Variants in CRISP3 observed in about 807,000 individuals in gnomAD.
CRISP3 encodes the protein cysteine-rich secretory protein 3.
In CRISP3, 33 loss-of-function variants were observed where a neutral mutation model predicts 36.1. That is an observed-to-expected ratio of 0.91 (90% CI 0.69 to 1.22). The LOEUF is 1.22. Ranked by LOEUF, CRISP3 falls within the 50% of genes most tolerant of loss-of-function variation. The pLI is 0.00. For missense variants in CRISP3, 330 were observed against 301.2 expected (o/e 1.10, Z -0.71); for synonymous variants, 117 against 104.6 (o/e 1.12, Z -0.72).
intron 7 of CRISP3, among the ~76,000 whole-genome samples, chr6:49,729,585 G>A (rs754733355): frequency 1.3e-4 from 19 of 151,912 alleles, no homozygotes; most frequent in Non-Finnish European, 2.5e-4. Context: ...TGTTCACTTC[G>A]TTCACCCAGT....
At chr6:49,730,618 A>G (rs951455991) in intron 7 of CRISP3, among the ~76,000 whole-genome samples, 3 of 152,218 alleles carry the variant, frequency 2.0e-5, no homozygotes, top group Admixed American at 2.0e-4. Context: ...ATTTCCACAG[A>G]CACATTTTCA....
chr6:49,733,129 T>C (rs972531305), intron 6 of CRISP3, 66 bp downstream of exon 6: 13 of 920,370 alleles, frequency 1.4e-5, no homozygotes, highest in Non-Finnish European at 2.0e-5. Context: ...GCTTTTTAGT[T>C]TTTTTTTATT....
At chr6:49,731,531 C>T (rs1209759796) in intron 6 of CRISP3, among the ~76,000 whole-genome samples, 2 of 152,144 alleles carry the variant, frequency 1.3e-5, no homozygotes, top group African/African-American at 4.8e-5. Context: ...AATGTGGCAA[C>T]ACACTTCATC....
intron 3 of CRISP3, 78 bp from the exon 4 acceptor site, chr6:49,735,669 A>G: frequency 1.9e-6 from 2 of 1,030,854 alleles, no homozygotes; most frequent in Non-Finnish European, 2.9e-6. Flanking sequence ...ATCAGGTTAT[A>G]GGTTGATTTA....
chr6:49,744,388 CAG>C, upstream of CRISP3: 2 of 1,530,594 alleles, frequency 1.3e-6, no homozygotes, highest in Non-Finnish European at 1.7e-6. Flanking sequence ...AAGGAAGGTG[CAG>C]AGAGAGAAGG....
intron 6 of CRISP3, among the ~76,000 whole-genome samples, chr6:49,731,794 T>A (rs1768922954): frequency 6.6e-6 from 1 of 152,146 alleles, no homozygotes; most frequent in Non-Finnish European, 1.5e-5. Context: ...TTCACATGGT[T>A]TTTGCTGTAT....
chr6:49,733,624 T>A, intron 5 of CRISP3, 79 bp downstream of exon 5: 1 of 1,435,520 alleles, frequency 7.0e-7, no homozygotes, highest in East Asian at 2.3e-5. Flanking sequence ...AAATTCAACT[T>A]GGAATCAGTC....
chr6:49,736,830 T>A (rs550794297), intron 2 of CRISP3, among the ~76,000 whole-genome samples: 1 of 152,148 alleles, frequency 6.6e-6, no homozygotes, highest in East Asian at 1.9e-4. Context: ...GGGTACATGA[T>A]AGTAATTATT....
chr6:49,732,894 T>C (rs1210112067), intron 6 of CRISP3, among the ~76,000 whole-genome samples: 1 of 152,148 alleles, frequency 6.6e-6, no homozygotes, highest in Admixed American at 6.6e-5. Context: ...TAAAATTATA[T>C]TTAGATAACT....
At chr6:49,730,964 C>A (rs1443598324) in intron 7 of CRISP3, among the ~76,000 whole-genome samples, 199 bp downstream of exon 7, 2 of 152,188 alleles carry the variant, frequency 1.3e-5, no homozygotes, top group East Asian at 3.9e-4. Context: ...ATCACTTGAT[C>A]CCTGCAAGCG....
chr6:49,728,354 T>C lies in CRISP3; in HGVS notation c.*376A>G. 6.4e-6 allele frequency: 1 copy of C among 155,570 alleles called. No homozygotes were observed. Among genetic ancestry groups the C allele is most frequent in the Non-Finnish European group, 1.4e-5 (1 of 70,362 alleles). 9.6% of individuals were successfully genotyped at this position (155,570 alleles called of 1,614,324 possible). ...CTACAGCCAAGGGTTCATGTGAAAATTATATTGTTCTTTTTGTACATTTTG... is the reference window on the plus strand; with the variant it reads ...CTACAGCCAAGGGTTCATGTGAAAACTATATTGTTCTTTTTGTACATTTTG... On this transcript the variant is annotated 3_prime_UTR_variant, in exon 8 of 8. Coordinates refer to ENST00000263045, the MANE Select transcript of CRISP3 (RefSeq NM_006061.4).
chr6:49,741,114 AAC>A (rs1769187996), intron 1 of CRISP3, among the ~76,000 whole-genome samples: 1 of 127,406 alleles, frequency 7.8e-6, no homozygotes, highest in African/African-American at 2.8e-5. Context: ...AAAAACAAAA[AAC>A]AAACAAACAA....
chr6:49,743,513 T>C (rs893059893), intron 1 of CRISP3, among the ~76,000 whole-genome samples: 1 of 152,202 alleles, frequency 6.6e-6, no homozygotes, highest in Non-Finnish European at 1.5e-5. Context: ...CAGAGTTTCC[T>C]GGATAGCATT....
At chr6:49,736,257 C>T (rs1769048190) in intron 3 of CRISP3, 134 bp downstream of exon 3, 6 of 664,216 alleles carry the variant, frequency 9.0e-6, no homozygotes, top group Non-Finnish European at 1.1e-5. Flanking sequence ...CTGCCCATTA[C>T]ACAGCTCAAA....
rs1483356456 is a variant in CRISP3 at position 49,744,346 on chromosome 6, C to A, written c.22G>T (p.Ala8Ser). 1 of 1,532,832 alleles carries A rather than the reference C, an allele frequency of 6.5e-7. No individual in the cohort carries two copies. The highest frequency in any genetic ancestry group is 8.7e-7 in the Non-Finnish European group (1 of 1,144,846). 95.0% of individuals were successfully genotyped at this position (1,532,832 alleles called of 1,614,324 possible). ...TATCACTTACCAGTGGTTTCCAGAG[C>A]AGGATGAAGTATTTGTTTCATCTAT... is the stretch of plus-strand genomic sequence containing the variant. MKQILHP[A>S]LETTAMTLFP... Residue 8 changes from alanine (A) to serine (S), a missense_variant, in exon 1 of 8, where the codon GCT becomes TCT. Physicochemically the swap from Ala to Ser is moderately conservative, Grantham distance 99. Coordinates refer to ENST00000263045, the MANE Select transcript of CRISP3 (RefSeq NM_006061.4).
intron 1 of CRISP3, among the ~76,000 whole-genome samples, chr6:49,741,446 T>A (rs933876555): frequency 7.9e-5 from 12 of 151,970 alleles, no homozygotes; most frequent in African/African-American, 2.9e-4. Context: ...TATTAACTCA[T>A]CAATTTCAAA....
At chr6:49,733,930 C>T in intron 4 of CRISP3, 82 bp from the exon 5 acceptor site, 1 of 1,209,484 alleles carries the variant, frequency 8.3e-7, no homozygotes, top group Non-Finnish European at 1.2e-6. Context: ...ACACTACACA[C>T]AGCAGAATCC....
intron 1 of CRISP3, among the ~76,000 whole-genome samples, chr6:49,740,244 C>CT (rs1047898162): frequency 1.3e-5 from 2 of 152,312 alleles, no homozygotes; most frequent in African/African-American, 4.8e-5. Flanking sequence ...TGCATATTGA[C>CT]TGACAACATA....
At chr6:49,733,352 C>G in intron 5 of CRISP3, 60 bp from the exon 6 acceptor site, 1 of 1,120,394 alleles carries the variant, frequency 8.9e-7, no homozygotes, top group South Asian at 1.4e-5. Flanking sequence ...TACCAAAAAA[C>G]AAATAGTAGG....
Sources: gnomAD v4.1 joint callset for allele counts (sites outside exome capture counted in the v4.1 genomes callset) on GRCh38, gnomAD v4.1.1 for gene constraint, MANE v1.5 for transcripts, NCBI Gene and HGNC (gene_info 2026-07-23, HGNC 2026-07-21) for gene names.